WWP1: variants seen among roughly 807,000 people sequenced by gnomAD.
WWP1 encodes the protein WW domain containing E3 ubiquitin protein ligase 1.
In WWP1, 49 loss-of-function variants were observed where a neutral mutation model predicts 130.6. The ratio of observed to expected loss-of-function variants is 0.38; its 90% confidence interval spans 0.30 to 0.48. The LOEUF (loss-of-function observed/expected upper bound fraction) is 0.48, where lower values mean the gene tolerates loss of function less well. Among genes scored for constraint, WWP1 ranks in the 20% least tolerant of loss-of-function variants. WWP1 has a pLI of 0.99. For synonymous variants in WWP1, 332 were observed against 367.8 expected, an observed-to-expected ratio of 0.90 and a Z score of 1.11; for missense variants, 809 against 1,100.6, an observed-to-expected ratio of 0.74 and a Z score of 3.75.
chr8:86,374,206 G>C, intron 3 of WWP1, 86 bp downstream of exon 3: 2 of 1,159,810 alleles, frequency 1.7e-6, no homozygotes, highest in Non-Finnish European at 2.5e-6. Flanking sequence ...TCCAGAAATA[G>C]AATTTCTTTT....
Position 86,430,679 on chromosome 8 carries a change from A to G in WWP1, c.1333-18A>G. On this transcript the variant is annotated intron_variant, in intron 11 of 24. Transcript: ENST00000517970. The stretch of plus-strand genomic sequence containing the variant: ...ACACTGTTATTTTATTTCTCTCCCT[A>G]ATCTTTTCTCCAATCAGGCTTCAAT... The G allele has an allele frequency of 1.3e-6, 2 of 1,578,730 alleles. No homozygotes were observed. Among genetic ancestry groups the G allele is most frequent in the South Asian group, 1.1e-5 (1 of 87,720 alleles).
chr8:86,451,980 A>G (rs1485182067), intron 20 of WWP1, among the ~76,000 whole-genome samples: 2 of 152,196 alleles, frequency 1.3e-5, no homozygotes, highest in Non-Finnish European at 2.9e-5. Context: ...GTGTTTTCCA[A>G]TAAAACAGCA....
At chr8:86,440,206 T>G (rs1810516481) in intron 17 of WWP1, among the ~76,000 whole-genome samples, 1 of 152,226 alleles carries the variant, frequency 6.6e-6, no homozygotes, top group Non-Finnish European at 1.5e-5. Flanking sequence ...TCTGAGCCCT[T>G]ATTTGCCTCA....
intron 2 of WWP1, among the ~76,000 whole-genome samples, chr8:86,371,915 C>T (rs776870210): frequency 2.0e-5 from 3 of 151,764 alleles, no homozygotes; most frequent in Non-Finnish European, 4.4e-5. Context: ...GACCTCAGCT[C>T]ACTGCAGCCT....
chr8:86,445,211 A>AG (rs1257164550), intron 18 of WWP1, among the ~76,000 whole-genome samples: 1 of 152,174 alleles, frequency 6.6e-6, no homozygotes, highest in Non-Finnish European at 1.5e-5. Flanking sequence ...TTTTAGAATC[A>AG]GGGGTACATG....
At chr8:86,430,655 C>T in intron 11 of WWP1, 42 bp from the exon 12 acceptor site, 2 of 1,501,922 alleles carry the variant, frequency 1.3e-6, no homozygotes, top group Non-Finnish European at 9.0e-7. Context: ...CATATTAAAA[C>T]ACTGTTATTT....
intron 3 of WWP1, among the ~76,000 whole-genome samples, chr8:86,377,039 G>A (rs1824696699): frequency 6.6e-6 from 1 of 152,076 alleles, no homozygotes; most frequent in Non-Finnish European, 1.5e-5. Context: ...GAGGTCTTAG[G>A]ACTCCAAGTT....
At chr8:86,424,540 C>T (rs1241800074) in intron 9 of WWP1, among the ~76,000 whole-genome samples, 5 of 151,972 alleles carry the variant, frequency 3.3e-5, no homozygotes, top group African/African-American at 9.7e-5. Flanking sequence ...AACGAGACTC[C>T]GTCTGCAATC....
At chr8:86,411,405 TTGTC>T (rs927712746) in intron 8 of WWP1, 129 bp from the exon 9 acceptor site, 11 of 675,642 alleles carry the variant, frequency 1.6e-5, no homozygotes, top group African/African-American at 1.3e-4. Flanking sequence ...AAATATTACT[TTGTC>T]TGCTGTTTGG....
At chr8:86,413,599 C>G (rs560237069) in intron 9 of WWP1, among the ~76,000 whole-genome samples, 1 of 152,078 alleles carries the variant, frequency 6.6e-6, no homozygotes, top group Non-Finnish European at 1.5e-5. Context: ...AGTGGAGGCA[C>G]GAGTGGTGAA....
At chr8:86,373,071 GTTTT>G (rs34499209) in intron 2 of WWP1, among the ~76,000 whole-genome samples, 1 of 132,462 alleles carries the variant, frequency 7.5e-6, no homozygotes. Flanking sequence ...TTCTTAGTTT[GTTTT>G]TTTTTTTTTT....
intron 21 of WWP1, among the ~76,000 whole-genome samples, chr8:86,456,736 T>C (rs757044822): frequency 6.6e-6 from 1 of 152,020 alleles, no homozygotes; most frequent in Non-Finnish European, 1.5e-5. Context: ...CAAATTGTTG[T>C]ATATTCATAT....
intron 9 of WWP1, among the ~76,000 whole-genome samples, chr8:86,424,677 CG>C (rs1809494330): frequency 6.7e-6 from 1 of 148,232 alleles, no homozygotes; most frequent in Admixed American, 6.8e-5. Context: ...TGGCGGCGCA[CG>C]ACTGCAATCG....
chr8:86,386,193 G>A (rs1180103229), intron 5 of WWP1, among the ~76,000 whole-genome samples: 1 of 151,934 alleles, frequency 6.6e-6, no homozygotes, highest in Non-Finnish European at 1.5e-5. Context: ...CATGTCCTTG[G>A]TATTTTCAAT....
At chr8:86,351,465 A>G (rs1822911839) in intron 1 of WWP1, among the ~76,000 whole-genome samples, 1 of 151,592 alleles carries the variant, frequency 6.6e-6, no homozygotes, top group African/African-American at 2.4e-5. Context: ...CAGCCCCACA[A>G]GTAGCTGGGA....
rs766811841 is a variant in WWP1, at chr8:86,411,503, C to T, written c.725-35C>T. 5.8e-6 allele frequency: 9 copies of T among 1,564,432 alleles called. No individual in the cohort carries two copies. The South Asian group carries it at 8.2e-5, about 14-fold the overall frequency. ...TAGGTAATTGATTGCTTTATCATTA[C>T]TTGATAGATGATTTTATTAATTTTC... is the stretch of plus-strand genomic sequence containing the variant. On this transcript the variant is annotated intron_variant, in intron 8 of 24. Transcript: ENST00000517970.
At chr8:86,466,004 TC>T (rs1184086478) in intron 24 of WWP1, among the ~76,000 whole-genome samples, 1 of 152,058 alleles carries the variant, frequency 6.6e-6, no homozygotes, top group Admixed American at 6.6e-5. Flanking sequence ...CTAGAAACCT[TC>T]CACATGGGAA....
chr8:86,449,047 C>A (rs1325693177), intron 20 of WWP1, among the ~76,000 whole-genome samples: 1 of 151,748 alleles, frequency 6.6e-6, no homozygotes, highest in Non-Finnish European at 1.5e-5. Flanking sequence ...ACTGTATTGC[C>A]CAGGCTGGTC....
rs1810650855 is a variant in WWP1 at position 86,442,660 on chromosome 8, T to C, written c.1880T>C (p.Met627Thr). 6.2e-7 allele frequency: 1 copy of C among 1,610,986 alleles called. No homozygotes were observed. The change falls in exon 18 of 25, where the codon ATG (methionine) becomes ACG (threonine). Residue 627 changes from methionine (M) to threonine (T), a missense_variant. Met to Thr is a moderately conservative substitution (Grantham distance 81). Transcript: ENST00000517970. ...FLLSHEVLNP[M>T]YCLFEYAGKN... is the part of the protein sequence containing the mutation. ...CTTTCACATGAAGTTTTGAACCCAA[T>C]GTATTGCTTATTTGAGTATGCGGGC...
Sources: allele counts gnomAD v4.1 joint callset (sites outside exome capture counted in the v4.1 genomes callset), GRCh38; gene constraint gnomAD v4.1.1; transcripts MANE v1.5; gene names NCBI Gene and HGNC (gene_info 2026-07-23, HGNC 2026-07-21).